GRIK1: variants seen among roughly 807,000 people sequenced by gnomAD.
GRIK1 encodes the protein glutamate receptor ionotropic, kainate 1.
GRIK1 carries 69 observed loss-of-function variants against 105.7 expected under a neutral mutation model. The observed-to-expected ratio is 0.65, with a 90% CI of 0.54 to 0.80. The LOEUF (loss-of-function observed/expected upper bound fraction) is 0.80. Ranked by LOEUF, GRIK1 falls within the 30% of genes least tolerant of loss-of-function variation. GRIK1 has a pLI of 0.00. For synonymous variants in GRIK1, 438 were observed against 431.3 expected (o/e 1.02, Z -0.19); for missense variants, 1,109 against 1,167.3 (o/e 0.95, Z 0.73).
At chr21:29,582,703 C>A (rs2091048864) in intron 12 of GRIK1, among the ~76,000 whole-genome samples, 1 of 152,100 alleles carries the variant, frequency 6.6e-6, no homozygotes, top group Admixed American at 6.6e-5. Context: ...AAGACATTAG[C>A]AGAAGCTCAA....
chr21:29,884,252 G>T (rs535767994), intron 1 of GRIK1, among the ~76,000 whole-genome samples: 13 of 152,044 alleles, frequency 8.6e-5, no homozygotes, highest in African/African-American at 3.1e-4. Context: ...GCCAAGATAT[G>T]GTCTAATCTT....
chr21:29,661,004 A>G (rs1192865692), intron 4 of GRIK1, among the ~76,000 whole-genome samples: 1 of 152,016 alleles, frequency 6.6e-6, no homozygotes, highest in Non-Finnish European at 1.5e-5. Flanking sequence ...TGCTAACTGT[A>G]ATATTTTAGG....
intron 1 of GRIK1, among the ~76,000 whole-genome samples, chr21:29,921,898 A>T (rs1025785701): frequency 5.9e-5 from 9 of 152,190 alleles, no homozygotes; most frequent in African/African-American, 2.2e-4. Context: ...CTAGGTGCTC[A>T]TTACTTTAAG....
At chr21:29,925,673 T>TCCA (rs2071345740) in intron 1 of GRIK1, among the ~76,000 whole-genome samples, 1 of 152,190 alleles carries the variant, frequency 6.6e-6, no homozygotes, top group African/African-American at 2.4e-5. Context: ...TAGCATACTC[T>TCCA]CCAGGAATTG....
At chr21:29,903,613 A>AT (rs1280236672) in intron 1 of GRIK1, among the ~76,000 whole-genome samples, 1 of 152,220 alleles carries the variant, frequency 6.6e-6, no homozygotes, top group Non-Finnish European at 1.5e-5. Context: ...AATGGTGATC[A>AT]TTAAAAAGTC....
intron 1 of GRIK1, among the ~76,000 whole-genome samples, chr21:29,775,425 T>A (rs546907973): frequency 6.6e-6 from 1 of 152,290 alleles, no homozygotes; most frequent in East Asian, 1.9e-4. Context: ...CTTTCTCTGC[T>A]TCCTCTCTCC....
intron 1 of GRIK1, among the ~76,000 whole-genome samples, chr21:29,908,390 A>G (rs1224479564): frequency 2.0e-5 from 3 of 152,026 alleles, no homozygotes; most frequent in Non-Finnish European, 2.9e-5. Context: ...ATCCTGTGTC[A>G]TGTTGGCTGA....
intron 1 of GRIK1, among the ~76,000 whole-genome samples, chr21:29,809,305 G>A (rs147901751): frequency 5.3e-5 from 8 of 152,046 alleles, no homozygotes; most frequent in African/African-American, 9.7e-5. Context: ...CAAATTTTTC[G>A]GTTTTCCAGT....
At chr21:29,549,896 C>G (rs947199230) in intron 16 of GRIK1, among the ~76,000 whole-genome samples, 1 of 151,668 alleles carries the variant, frequency 6.6e-6, no homozygotes, top group African/African-American at 2.4e-5. Context: ...CACCTGAGGT[C>G]AGGAGTTTGA....
intron 14 of GRIK1, among the ~76,000 whole-genome samples, chr21:29,565,193 T>C (rs2090584385): frequency 6.6e-6 from 1 of 152,224 alleles, no homozygotes; most frequent in African/African-American, 2.4e-5. Context: ...AGCACAGTAA[T>C]AGTAAACATA....
At chr21:29,615,051 C>T (rs879838241) in intron 7 of GRIK1, among the ~76,000 whole-genome samples, 12 of 151,568 alleles carry the variant, frequency 7.9e-5, no homozygotes, top group East Asian at 1.9e-4. Context: ...GTTGAATGAG[C>T]GATAGAATCT....
chr21:29,588,998 A>G lies in GRIK1; in HGVS notation c.1410T>C (p.Tyr470=). 6.2e-7 allele frequency: 1 copy of G among 1,604,664 alleles called. No homozygotes were observed. Among genetic ancestry groups the G allele is most frequent in the Non-Finnish European group, 8.5e-7 (1 of 1,171,386 alleles). The part of the protein sequence containing the change: ...VMYRKSDKPL[Y]GNDRFEGYCL... Reference sequence around the variant, plus strand: ...AATATCCTTCAAATCTGTCATTTCCATATAGAGGCTTATCAGATTTCCTGT... The same window carrying G: ...AATATCCTTCAAATCTGTCATTTCCGTATAGAGGCTTATCAGATTTCCTGT... The change falls in exon 11 of 18, where the codon TAT becomes TAC. Residue 470 remains tyrosine, a synonymous_variant. Transcript: ENST00000327783.
At chr21:29,655,535 G>T (rs1421553543) in intron 4 of GRIK1, among the ~76,000 whole-genome samples, 5 of 152,088 alleles carry the variant, frequency 3.3e-5, no homozygotes, top group Non-Finnish European at 7.4e-5. Flanking sequence ...GTATTTCATT[G>T]ATCTCCCTAC....
chr21:29,755,431 T>C lies in GRIK1; in HGVS notation c.119-61368A>G, dbSNP rs192410285. Among the ~76,000 whole-genome samples the C allele has an allele frequency of 1.4e-3, 212 of 152,362 alleles. 2 individuals are homozygous for C. Among genetic ancestry groups the C allele is most frequent in the Admixed American group, 0.012 (191 of 15,308 alleles). The stretch of plus-strand genomic sequence containing the variant: ...GTTCTTAATAGTTAACTAACAGGCA[T>C]TCACTTATTTCATCTTCATGGTAAC... On this transcript the variant is annotated intron_variant, in intron 1 of 17. Coordinates refer to ENST00000327783, the MANE Select transcript of GRIK1 (RefSeq NM_001330994.2).
chr21:29,623,545 A>G (rs2062055340), intron 7 of GRIK1, among the ~76,000 whole-genome samples: 1 of 151,682 alleles, frequency 6.6e-6, no homozygotes, highest in Non-Finnish European at 1.5e-5. Flanking sequence ...CATTCCAAAG[A>G]CTTTGTTATT....
At chr21:29,928,554 C>G (rs1181615112) in intron 1 of GRIK1, among the ~76,000 whole-genome samples, 1 of 152,188 alleles carries the variant, frequency 6.6e-6, no homozygotes, top group Admixed American at 6.5e-5. Flanking sequence ...TATACTTAGA[C>G]AGAAAGAGCC....
intron 12 of GRIK1, among the ~76,000 whole-genome samples, chr21:29,585,155 T>G (rs2091103336): frequency 6.6e-6 from 1 of 151,956 alleles, no homozygotes; most frequent in Non-Finnish European, 1.5e-5. Flanking sequence ...AAGGGAGGAC[T>G]GGCTTATAAA....
intron 1 of GRIK1, among the ~76,000 whole-genome samples, chr21:29,702,758 T>A (rs1372932923): frequency 6.6e-6 from 1 of 152,096 alleles, no homozygotes; most frequent in Non-Finnish European, 1.5e-5. Flanking sequence ...ACTGGAGTGA[T>A]GCAGCCAGAA....
intron 1 of GRIK1, among the ~76,000 whole-genome samples, chr21:29,820,246 C>A (rs906074586): frequency 2.6e-5 from 4 of 152,058 alleles, no homozygotes; most frequent in Non-Finnish European, 4.4e-5. Context: ...GCTCTCACTT[C>A]CAAACCAATT....
Sources: gnomAD v4.1 joint callset for allele counts (sites outside exome capture counted in the v4.1 genomes callset) on GRCh38, gnomAD v4.1.1 for gene constraint, MANE v1.5 for transcripts, NCBI Gene and HGNC (gene_info 2026-07-23, HGNC 2026-07-21) for gene names.